The following CHD7 variants were observed in gnomAD, a reference collection of about 807,000 sequenced individuals.
CHD7 encodes the protein ATP-dependent chromatin remodeler CHD7.
A neutral mutation model predicts 307.3 loss-of-function variants in CHD7; 24 were observed. That is an observed-to-expected ratio of 0.08 (90% CI 0.06 to 0.11). CHD7 has a LOEUF of 0.11. Among genes scored for constraint, CHD7 ranks in the 10% least tolerant of loss-of-function variants. The pLI is 1.00. For missense variants in CHD7, 3,106 were observed against 3,727.1 expected (o/e 0.83, Z 4.34); for synonymous variants, 1,363 against 1,349.9 (o/e 1.01, Z -0.21).
intron 2 of CHD7, among the ~76,000 whole-genome samples, chr8:60,748,777 G>A (rs1451265389): frequency 1.3e-5 from 2 of 151,974 alleles, no homozygotes; most frequent in Non-Finnish European, 2.9e-5. Flanking sequence ...TCTGCAACAA[G>A]GTGTCCTTAA....
In CHD7 at chr8:60,821,651, T is replaced by C. The variant is rs973238574; in HGVS notation, c.2698-139T>C. On this transcript the variant is annotated intron_variant, in intron 9 of 37. Coordinates refer to ENST00000423902, the MANE Select transcript of CHD7 (RefSeq NM_017780.4). ...ATATGTATATGTATAAACATATATATACACATACATATATATGTATAAACA... is the reference window on the plus strand; with the variant it reads ...ATATGTATATGTATAAACATATATACACACATACATATATATGTATAAACA... 1.3e-4 allele frequency: 82 copies of C among 609,374 alleles called. 1 individual carries two copies. Among genetic ancestry groups the C allele is most frequent in the Middle Eastern group, 9.4e-4 (2 of 2,136 alleles). The allele number at this position is 609,374 out of a possible 1,614,324, so 37.7% of individuals were successfully genotyped here.
intron 2 of CHD7, among the ~76,000 whole-genome samples, chr8:60,748,797 A>G (rs888242299): frequency 6.6e-6 from 1 of 152,152 alleles, no homozygotes; most frequent in Non-Finnish European, 1.5e-5. Flanking sequence ...AAATAAGTTT[A>G]TTTTGGATAC....
At chr8:60,722,009 A>G (rs955526898) in intron 1 of CHD7, among the ~76,000 whole-genome samples, 3 of 152,234 alleles carry the variant, frequency 2.0e-5, no homozygotes, top group African/African-American at 7.2e-5. Context: ...AAAGAGAAGG[A>G]CAAATGAAAT....
At chr8:60,733,074 A>G (rs548967149) in intron 1 of CHD7, among the ~76,000 whole-genome samples, 4 of 149,830 alleles carry the variant, frequency 2.7e-5, no homozygotes, top group African/African-American at 4.9e-5. Flanking sequence ...GTTTCCCAGG[A>G]AAAAAAAAAA....
intron 1 of CHD7, among the ~76,000 whole-genome samples, chr8:60,740,648 A>G (rs1808950338): frequency 1.3e-5 from 2 of 152,254 alleles, no homozygotes; most frequent in South Asian, 4.1e-4. Flanking sequence ...CAACATCATT[A>G]TGAACACTTT....
At chr8:60,814,284 C>CTT (rs1812944510) in intron 7 of CHD7, among the ~76,000 whole-genome samples, 1 of 152,186 alleles carries the variant, frequency 6.6e-6, no homozygotes, top group African/African-American at 2.4e-5. Context: ...GAGCCACTTG[C>CTT]TTATATGCTT....
At chr8:60,834,786 G>A (rs1000417525) in intron 15 of CHD7, among the ~76,000 whole-genome samples, 2 of 152,194 alleles carry the variant, frequency 1.3e-5, no homozygotes, top group East Asian at 3.8e-4. Context: ...ATTTGACCAT[G>A]TCATAAGGTA....
At chr8:60,820,173 C>A in intron 9 of CHD7, 83 bp downstream of exon 9, 1 of 843,688 alleles carries the variant, frequency 1.2e-6, no homozygotes, top group Non-Finnish European at 1.9e-6. Flanking sequence ...AATCCTAGAC[C>A]TGGTCTTGGT....
In CHD7 at chr8:60,708,883, A is replaced by C. The variant is rs190233838; in HGVS notation, c.-175+29801A>C. ...TGGGGGCACATGTCCCTATGTACAT[A>C]GGCTGTGCAGCCAGTAAACACACAA... On this transcript the variant is annotated intron_variant, in intron 1 of 37. Transcript: ENST00000423902. Among the ~76,000 whole-genome samples, 38 of 152,306 alleles carry C rather than the reference A, an allele frequency of 2.5e-4. 1 individual carries two copies. The East Asian group carries it at 6.6e-3, about 26-fold the overall frequency.
chr8:60,739,241 G>A (rs1808869208), intron 1 of CHD7, among the ~76,000 whole-genome samples: 1 of 152,208 alleles, frequency 6.6e-6, no homozygotes, highest in South Asian at 2.1e-4. Context: ...CACATATGTA[G>A]ACGTTACTTT....
intron 1 of CHD7, among the ~76,000 whole-genome samples, chr8:60,680,428 G>C (rs1805557213): frequency 7.6e-6 from 1 of 131,974 alleles, no homozygotes. Context: ...GGCGGCGGCG[G>C]CGGCTCCCGG....
At chr8:60,685,294 A>C (rs1805825314) in intron 1 of CHD7, among the ~76,000 whole-genome samples, 1 of 152,226 alleles carries the variant, frequency 6.6e-6, no homozygotes, top group African/African-American at 2.4e-5. Context: ...GGGTTCAGTG[A>C]AATGGGAGAG....
intron 15 of CHD7, among the ~76,000 whole-genome samples, chr8:60,833,534 A>G (rs1804615423): frequency 6.6e-6 from 1 of 152,192 alleles, no homozygotes; most frequent in Admixed American, 6.5e-5. Flanking sequence ...GTAATCGTCA[A>G]GAACAAAATA....
intron 1 of CHD7, among the ~76,000 whole-genome samples, chr8:60,715,700 G>A (rs1309472072): frequency 6.6e-6 from 1 of 152,024 alleles, no homozygotes; most frequent in Non-Finnish European, 1.5e-5. Flanking sequence ...CTGGTTCAAG[G>A]GAGCCATCTG....
chr8:60,853,640 A>G (rs999967294), intron 31 of CHD7, 140 bp downstream of exon 31: 3 of 648,778 alleles, frequency 4.6e-6, no homozygotes, highest in Non-Finnish European at 7.4e-6. Flanking sequence ...ATTTCAAGTT[A>G]TGCTTATATC....
chr8:60,683,641 A>C (rs1044060101), intron 1 of CHD7, among the ~76,000 whole-genome samples: 1 of 152,226 alleles, frequency 6.6e-6, no homozygotes, highest in Non-Finnish European at 1.5e-5. Flanking sequence ...TAAGAAACTA[A>C]AGTCCAGAGA....
At position 60,718,376 on chromosome 8, in the gene CHD7, G is replaced by A. The variant is rs183893324; in HGVS notation, c.-174-22883G>A. ...GCTAATCTCAGATACTCGGGAGGCT[G>A]AGGCAGGAGAATCTCTTGAACCCGG... On this transcript the variant is annotated intron_variant, in intron 1 of 37. Transcript: ENST00000423902. Among the ~76,000 whole-genome samples the A allele has an allele frequency of 7.2e-5, 11 of 152,242 alleles. No homozygotes were observed. The East Asian group carries it at 2.1e-3, about 29-fold the overall frequency.
At chr8:60,681,138 G>A (rs891329898) in intron 1 of CHD7, among the ~76,000 whole-genome samples, 1 of 152,084 alleles carries the variant, frequency 6.6e-6, no homozygotes, top group Non-Finnish European at 1.5e-5. Flanking sequence ...CTTGTCTGAC[G>A]ATGACAAAAA....
intron 3 of CHD7, among the ~76,000 whole-genome samples, chr8:60,783,610 G>A (rs550320791): frequency 2.6e-5 from 4 of 152,232 alleles, no homozygotes; most frequent in South Asian, 4.1e-4. Flanking sequence ...CCCCTCCTGC[G>A]GCTTTTGATT....
Sources: allele counts gnomAD v4.1 joint callset (sites outside exome capture counted in the v4.1 genomes callset), GRCh38; gene constraint gnomAD v4.1.1; transcripts MANE v1.5; gene names NCBI Gene and HGNC (gene_info 2026-07-23, HGNC 2026-07-21).